Variants in ITSN1 observed in about 807,000 individuals in gnomAD.
The protein encoded by ITSN1 is intersectin-1.
In ITSN1, 58 loss-of-function variants were observed where a neutral mutation model predicts 239.8. That is an observed-to-expected ratio of 0.24 (90% CI 0.20 to 0.30). ITSN1 has a LOEUF of 0.30. ITSN1 is among the 10% of genes least tolerant of loss of function. The pLI is 1.00. For synonymous variants in ITSN1, 780 were observed against 770.8 expected, an observed-to-expected ratio of 1.01 and a Z score of -0.20; for missense variants, 1,558 against 2,103.3, an observed-to-expected ratio of 0.74 and a Z score of 5.07.
intron 8 of ITSN1, 32 bp from the exon 9 acceptor site, chr21:33,761,889 TCA>T: frequency 6.5e-7 from 1 of 1,528,888 alleles, no homozygotes; most frequent in Non-Finnish European, 9.1e-7. Flanking sequence ...ATTTGCTGAC[TCA>T]TCTGTATGTC....
intron 7 of ITSN1, among the ~76,000 whole-genome samples, chr21:33,752,136 T>C (rs2067596498): frequency 6.6e-6 from 1 of 151,968 alleles, no homozygotes; most frequent in South Asian, 2.1e-4. Context: ...CTTAAAGGCT[T>C]TGTGTATTTT....
chr21:33,773,955 C>T (rs2069386120), intron 12 of ITSN1, among the ~76,000 whole-genome samples: 1 of 152,228 alleles, frequency 6.6e-6, no homozygotes, highest in South Asian at 2.1e-4. Flanking sequence ...GCTAGGATTA[C>T]AAGCGTGAGC....
At chr21:33,675,680 A>G (rs1166031662) in intron 1 of ITSN1, among the ~76,000 whole-genome samples, 5 of 152,372 alleles carry the variant, frequency 3.3e-5, no homozygotes, top group South Asian at 4.1e-4. Flanking sequence ...CCCCAAGTCT[A>G]TGCTCATTGC....
At chr21:33,856,311 T>C (rs1219184717) in intron 29 of ITSN1, among the ~76,000 whole-genome samples, 2 of 152,138 alleles carry the variant, frequency 1.3e-5, no homozygotes, top group Non-Finnish European at 2.9e-5. Flanking sequence ...CTTAAAACAA[T>C]AAGAATTTAT....
At chr21:33,834,463 A>T in intron 28 of ITSN1, 39 bp downstream of exon 28, 1 of 1,364,186 alleles carries the variant, frequency 7.3e-7, no homozygotes. Context: ...GATGGTCTGC[A>T]TGCCACTTGA....
chr21:33,799,339 A>G (rs143786706), intron 18 of ITSN1, among the ~76,000 whole-genome samples: 6 of 152,350 alleles, frequency 3.9e-5, no homozygotes, highest in African/African-American at 9.6e-5. Context: ...AGCCTAAAAC[A>G]TCTGCATTTT....
At chr21:33,863,384 G>A (rs1021849657) in intron 31 of ITSN1, among the ~76,000 whole-genome samples, 2 of 152,200 alleles carry the variant, frequency 1.3e-5, no homozygotes, top group Admixed American at 6.5e-5. Flanking sequence ...GGCCGGGCAC[G>A]GTGGCTCATG....
intron 1 of ITSN1, among the ~76,000 whole-genome samples, chr21:33,714,455 T>C (rs1430733743): frequency 1.3e-5 from 2 of 152,186 alleles, no homozygotes; most frequent in Non-Finnish European, 2.9e-5. Flanking sequence ...AGGGTGAGAA[T>C]TATTTCCTAA....
At chr21:33,719,372 C>T (rs994277645) in intron 2 of ITSN1, among the ~76,000 whole-genome samples, 5 of 152,112 alleles carry the variant, frequency 3.3e-5, no homozygotes, top group African/African-American at 9.7e-5. Flanking sequence ...ACCCGGGAGG[C>T]GGAGGTTGCA....
chr21:33,691,494 T>C (rs907597435), intron 1 of ITSN1, among the ~76,000 whole-genome samples: 2 of 152,182 alleles, frequency 1.3e-5, no homozygotes, highest in African/African-American at 4.8e-5. Flanking sequence ...CCAGCTCAAT[T>C]CTGAATCCAG....
chr21:33,829,903 T>C (rs1040316896), intron 27 of ITSN1, among the ~76,000 whole-genome samples, 158 bp downstream of exon 27: 2 of 152,222 alleles, frequency 1.3e-5, no homozygotes, highest in Non-Finnish European at 2.9e-5. Flanking sequence ...GTTTGTTTGG[T>C]TCCTAAGTTT....
intron 1 of ITSN1, among the ~76,000 whole-genome samples, chr21:33,673,045 A>G (rs1268055577): frequency 1.3e-5 from 2 of 152,226 alleles, no homozygotes; most frequent in East Asian, 3.8e-4. Context: ...CAGACAAAAA[A>G]AATAAATTGG....
intron 30 of ITSN1, among the ~76,000 whole-genome samples, chr21:33,857,575 G>A (rs912781210): frequency 6.6e-6 from 1 of 152,170 alleles, no homozygotes; most frequent in Non-Finnish European, 1.5e-5. Flanking sequence ...CACACCAAAC[G>A]GGTGTGAAAC....
chr21:33,808,012 C>T (rs1366781701), intron 20 of ITSN1, among the ~76,000 whole-genome samples: 1 of 150,866 alleles, frequency 6.6e-6, no homozygotes, highest in African/African-American at 2.4e-5. Context: ...GGTGAAACCC[C>T]GTCTCTACTA....
At chr21:33,714,603 AAAGT>A (rs1307992173) in intron 1 of ITSN1, among the ~76,000 whole-genome samples, 6 of 133,904 alleles carry the variant, frequency 4.5e-5, no homozygotes, top group African/African-American at 1.4e-4. Context: ...TGAAATATTT[AAAGT>A]AAGGCATAAA....
At chr21:33,707,111 TGGG>T (rs1321054636) in intron 1 of ITSN1, among the ~76,000 whole-genome samples, 2 of 152,158 alleles carry the variant, frequency 1.3e-5, no homozygotes, top group Non-Finnish European at 2.9e-5. Context: ...CTATGTCTCT[TGGG>T]GGAGAGATGT....
Position 33,836,492 on chromosome 21 carries a change from T to C in ITSN1, c.3521T>C (p.Leu1174Pro). ...TACACCGCGCAGAATGACGATGAGC[T>C]GGCCTTCAACAAGGGCCAGATCATC... The part of the protein sequence containing the change: ...YDYTAQNDDE[L>P]AFNKGQIINV... Residue 1174 changes from leucine (L) to proline (P), a missense_variant, in exon 29 of 40, where the codon CTG (leucine) becomes CCG (proline). Coordinates refer to ENST00000381318, the MANE Select transcript of ITSN1 (RefSeq NM_003024.3). 6.2e-7 allele frequency: 1 copy of C among 1,614,060 alleles called. No homozygotes were observed. Among genetic ancestry groups the C allele is most frequent in the East Asian group, 2.2e-5 (1 of 44,888 alleles).
chr21:33,744,079 C>T (rs377317780), intron 5 of ITSN1, among the ~76,000 whole-genome samples: 1 of 152,192 alleles, frequency 6.6e-6, no homozygotes, highest in Non-Finnish European at 1.5e-5. Flanking sequence ...AGAGCTAAGA[C>T]TGAAGGAAGG....
chr21:33,749,162 A>C (rs546034485), intron 5 of ITSN1, among the ~76,000 whole-genome samples: 25 of 151,802 alleles, frequency 1.6e-4, no homozygotes, highest in Non-Finnish European at 3.1e-4. Flanking sequence ...CTAATTTTTA[A>C]AATTTTTTGT....
Sources: allele counts gnomAD v4.1 joint callset (sites outside exome capture counted in the v4.1 genomes callset), GRCh38; gene constraint gnomAD v4.1.1; transcripts MANE v1.5; gene names NCBI Gene and HGNC (gene_info 2026-07-23, HGNC 2026-07-21).